PTPRD: variants seen among roughly 807,000 people sequenced by gnomAD.
The protein encoded by PTPRD is protein tyrosine phosphatase receptor type D, also known as receptor-type tyrosine-protein phosphatase delta.
PTPRD carries 34 observed loss-of-function variants against 214.5 expected under a neutral mutation model. The ratio of observed to expected loss-of-function variants is 0.16; its 90% confidence interval spans 0.12 to 0.21. The LOEUF (loss-of-function observed/expected upper bound fraction) is 0.21. PTPRD is among the 10% of genes least tolerant of loss of function. The pLI is 1.00. For missense variants in PTPRD, 2,545 were observed against 2,398.7 expected, an observed-to-expected ratio of 1.06 and a Z score of -1.27; for synonymous variants, 1,128 against 845.7, an observed-to-expected ratio of 1.33 and a Z score of -5.79.
At chr9:9,327,771 A>G (rs775017412) in intron 9 of PTPRD, among the ~76,000 whole-genome samples, 7 of 152,084 alleles carry the variant, frequency 4.6e-5, no homozygotes, top group Non-Finnish European at 1.0e-4. Flanking sequence ...AATTAAGTCC[A>G]TCTTCAGCAT....
chr9:10,323,567 A>C (rs534682301), intron 3 of PTPRD, among the ~76,000 whole-genome samples: 1 of 151,630 alleles, frequency 6.6e-6, no homozygotes, highest in South Asian at 2.1e-4. Context: ...CGGCCTCCCA[A>C]AGTAACTGCA....
chr9:9,082,341 C>T (rs1244838935), intron 10 of PTPRD, among the ~76,000 whole-genome samples: 1 of 152,232 alleles, frequency 6.6e-6, no homozygotes, highest in Non-Finnish European at 1.5e-5. Flanking sequence ...ACAAACAGAA[C>T]CAATGACAAA....
At chr9:10,084,868 C>T (rs1384242548) in intron 3 of PTPRD, among the ~76,000 whole-genome samples, 1 of 151,840 alleles carries the variant, frequency 6.6e-6, no homozygotes, top group Admixed American at 6.6e-5. Context: ...GAACATAATA[C>T]ATAAATCTTA....
At chr9:10,488,270 G>C (rs557013409) in intron 2 of PTPRD, among the ~76,000 whole-genome samples, 17 of 151,660 alleles carry the variant, frequency 1.1e-4, no homozygotes, top group Non-Finnish European at 2.1e-4. Context: ...AGGAGGCTGA[G>C]GCAGGAGAAT....
At chr9:8,595,549 T>C (rs957191722) in intron 14 of PTPRD, among the ~76,000 whole-genome samples, 1 of 152,198 alleles carries the variant, frequency 6.6e-6, no homozygotes, top group Non-Finnish European at 1.5e-5. Flanking sequence ...CTTTCATATA[T>C]ATGTAATATA....
At chr9:9,028,661 G>T (rs1284869155) in intron 10 of PTPRD, among the ~76,000 whole-genome samples, 1 of 151,896 alleles carries the variant, frequency 6.6e-6, no homozygotes, top group African/African-American at 2.4e-5. Flanking sequence ...GTGATATGAG[G>T]TACAGAGAGA....
At chr9:8,939,836 A>C (rs2099020285) in intron 11 of PTPRD, among the ~76,000 whole-genome samples, 1 of 152,084 alleles carries the variant, frequency 6.6e-6, no homozygotes, top group Non-Finnish European at 1.5e-5. Flanking sequence ...TTAGTGTTGT[A>C]CTTGGTGATA....
At chr9:9,024,745 C>T (rs541903964) in intron 10 of PTPRD, among the ~76,000 whole-genome samples, 3 of 151,872 alleles carry the variant, frequency 2.0e-5, no homozygotes, top group South Asian at 2.1e-4. Flanking sequence ...TTGTTGCCTA[C>T]TTATCTATTA....
chr9:9,951,883 G>C (rs937096597), intron 4 of PTPRD, among the ~76,000 whole-genome samples: 2 of 152,148 alleles, frequency 1.3e-5, no homozygotes, highest in African/African-American at 2.4e-5. Context: ...AATATGAAGA[G>C]AATTTATTGA....
At chr9:8,504,679 C>A (rs536978199) in intron 22 of PTPRD, among the ~76,000 whole-genome samples, 3 of 152,100 alleles carry the variant, frequency 2.0e-5, no homozygotes, top group African/African-American at 4.8e-5. Context: ...TCAGATAAGA[C>A]GAAGATTGAG....
chr9:9,218,666 T>C (rs1318903177), intron 9 of PTPRD, among the ~76,000 whole-genome samples: 1 of 152,040 alleles, frequency 6.6e-6, no homozygotes, highest in Non-Finnish European at 1.5e-5. Flanking sequence ...GTAACATATA[T>C]AATGGGACAG....
chr9:9,340,366 GA>G (rs1322931695), intron 9 of PTPRD, among the ~76,000 whole-genome samples: 1 of 152,196 alleles, frequency 6.6e-6, no homozygotes, highest in Non-Finnish European at 1.5e-5. Context: ...TGCTTTAGAA[GA>G]GGGTTATGTT....
chr9:9,161,781 T>C (rs2099889581), intron 10 of PTPRD, among the ~76,000 whole-genome samples: 2 of 152,110 alleles, frequency 1.3e-5, no homozygotes, highest in Admixed American at 1.3e-4. Flanking sequence ...TATCATACTA[T>C]ATTTTTATCT....
intron 11 of PTPRD, among the ~76,000 whole-genome samples, chr9:8,968,594 T>C (rs2099215427): frequency 1.3e-5 from 2 of 152,200 alleles, no homozygotes; most frequent in East Asian, 1.9e-4. Flanking sequence ...CATAATCTTA[T>C]TGGGTTCATT....
intron 8 of PTPRD, among the ~76,000 whole-genome samples, chr9:9,568,783 C>T (rs2085400120): frequency 1.3e-5 from 2 of 151,712 alleles, no homozygotes; most frequent in African/African-American, 4.8e-5. Flanking sequence ...AGGATATACA[C>T]ATAGTATAGA....
At chr9:9,768,855 C>T (rs2098727975) in intron 5 of PTPRD, among the ~76,000 whole-genome samples, 1 of 152,164 alleles carries the variant, frequency 6.6e-6, no homozygotes, top group Admixed American at 6.5e-5. Context: ...CGAACGTAAT[C>T]AGGGTTGAGC....
At chr9:9,337,389 A>G (rs1018177349) in intron 9 of PTPRD, among the ~76,000 whole-genome samples, 1 of 152,136 alleles carries the variant, frequency 6.6e-6, no homozygotes, top group Non-Finnish European at 1.5e-5. Flanking sequence ...AGACTTTAAT[A>G]GATCATTAAC....
At chr9:8,757,610 T>C (rs111509466) in intron 11 of PTPRD, among the ~76,000 whole-genome samples, 6,212 of 146,444 alleles carry the variant, frequency 0.042, 342 homozygotes, top group African/African-American at 0.13. Flanking sequence ...TCTGCATATA[T>C]ATAAATTCTG....
chr9:9,954,987 G>A (rs1406719170), intron 4 of PTPRD, among the ~76,000 whole-genome samples: 1 of 152,116 alleles, frequency 6.6e-6, no homozygotes, highest in African/African-American at 2.4e-5. Context: ...AAATAATTGT[G>A]CAAGAAATGT....
Sources: allele counts gnomAD v4.1 joint callset (sites outside exome capture counted in the v4.1 genomes callset), GRCh38; gene constraint gnomAD v4.1.1; transcripts MANE v1.5; gene names NCBI Gene and HGNC (gene_info 2026-07-23, HGNC 2026-07-21).